Variants in TMEM260 observed in about 807,000 individuals in gnomAD.
TMEM260 encodes transmembrane protein 260.
In TMEM260, 82 loss-of-function variants were observed where a neutral mutation model predicts 88.9. That is an observed-to-expected ratio of 0.92 (90% confidence interval 0.77 to 1.11). The LOEUF (loss-of-function observed/expected upper bound fraction) is 1.11, where lower values mean the gene tolerates loss of function less well. TMEM260 is among the 50% of genes least tolerant of loss of function. TMEM260 has a pLI of 0.00. For missense variants in TMEM260, 902 were observed against 853.4 expected (o/e 1.06, Z -0.71); for synonymous variants, 314 against 309.3 (o/e 1.02, Z -0.16).
intron 1 of TMEM260, among the ~76,000 whole-genome samples, chr14:56,583,661 A>G (rs1885283566): frequency 6.6e-6 from 1 of 152,116 alleles, no homozygotes; most frequent in South Asian, 2.1e-4. Context: ...ATTAATTCTG[A>G]TGGGGAGGCT....
the TMEM260 span, among the ~76,000 whole-genome samples, chr14:56,661,200 GTCTGGAAT>G: frequency 6.9e-3 from 1,055 of 152,328 alleles, 10 homozygotes; most frequent in South Asian, 0.025. Flanking sequence ...AGCCTAGTGG[GTCTGGAAT>G]CCTGGTGGTC....
At chr14:56,618,873 T>A (rs1887744867) in intron 10 of TMEM260, 110 bp downstream of exon 10, 1 of 1,087,414 alleles carries the variant, frequency 9.2e-7, no homozygotes, top group Non-Finnish European at 1.3e-6. Context: ...AGACTCAAAG[T>A]GAGACAGCTT....
chr14:56,587,570 A>G (rs1033797765), intron 3 of TMEM260, among the ~76,000 whole-genome samples: 14 of 152,038 alleles, frequency 9.2e-5, no homozygotes, highest in Non-Finnish European at 1.5e-5. Flanking sequence ...CTAATGATAT[A>G]TTTTATACTT....
At chr14:56,649,563 G>A (rs1250592523), downstream of TMEM260, 1 of 152,176 alleles carries the variant, frequency 6.6e-6, no homozygotes, top group African/African-American at 2.4e-5. Context: ...ATGCGTGGTG[G>A]TTGTGTTTGT....
the TMEM260 span, among the ~76,000 whole-genome samples, chr14:56,661,240 C>G: frequency 6.6e-6 from 1 of 152,190 alleles, no homozygotes; most frequent in African/African-American, 2.4e-5. Context: ...TCCTCCTAGA[C>G]TCTGCCTCTC....
Position 56,582,947 on chromosome 14 carries a change from G to A in TMEM260, c.161-2054G>A, listed in dbSNP as rs532691087. On this transcript the variant is annotated intron_variant, in intron 1 of 15. Coordinates refer to ENST00000261556, the MANE Select transcript of TMEM260 (RefSeq NM_017799.4). Reference sequence around the variant, plus strand: ...GTCACATTCCAGATTTATCTTTATAGCAGCAGAAGTCTGGCAAATAATAAC... The same window carrying A: ...GTCACATTCCAGATTTATCTTTATAACAGCAGAAGTCTGGCAAATAATAAC... Among the ~76,000 whole-genome samples the A allele has an allele frequency of 1.6e-3, 248 of 152,184 alleles. 8 individuals carry two copies. In the East Asian group the frequency reaches 0.041, roughly 25 times the overall value.
At chr14:56,601,666 G>A (rs1003769738) in intron 3 of TMEM260, among the ~76,000 whole-genome samples, 1 of 152,058 alleles carries the variant, frequency 6.6e-6, no homozygotes, top group Non-Finnish European at 1.5e-5. Flanking sequence ...AATTATTAGT[G>A]ACTTTCTATG....
chr14:56,603,709 A>G, intron 3 of TMEM260, 106 bp from the exon 4 acceptor site: 2 of 1,146,058 alleles, frequency 1.7e-6, no homozygotes. Context: ...GTGTTGGAGT[A>G]GTGCTGGGTG....
intron 3 of TMEM260, among the ~76,000 whole-genome samples, chr14:56,591,412 A>G (rs777735107): frequency 6.6e-6 from 1 of 152,214 alleles, no homozygotes; most frequent in Non-Finnish European, 1.5e-5. Context: ...TAATACCCTC[A>G]TTCTGTTGAC....
At chr14:56,659,255 G>GT in the TMEM260 span, among the ~76,000 whole-genome samples, 1,140 of 119,752 alleles carry the variant, frequency 9.5e-3, 25 homozygotes, top group African/African-American at 0.032. Flanking sequence ...TTGTTTTTTG[G>GT]TTTTTGTTTT....
In TMEM260 at chr14:56,616,003, G is replaced by T. The variant is rs747460131; in HGVS notation, c.917G>T (p.Cys306Phe). The T allele has an allele frequency of 1.9e-6, 3 of 1,612,508 alleles. No individual in the cohort carries two copies. Among genetic ancestry groups the T allele is most frequent in the Non-Finnish European group, 8.5e-7 (1 of 1,178,860 alleles). The change falls in exon 8 of 16, where the codon TGT becomes TTT. Residue 306 changes from cysteine to phenylalanine, a missense_variant. Coordinates refer to ENST00000261556, the MANE Select transcript of TMEM260 (RefSeq NM_017799.4). The stretch of plus-strand genomic sequence containing the variant: ...TTCAACATCCAAGCCCTTGCAGTTT[G>T]TGCAAATATATGTTTAGCAACAAAG... The part of the protein sequence containing the change: ...LSFNIQALAV[C>F]ANICLATKDR...
chr14:56,593,280 T>A (rs1357758915), intron 3 of TMEM260: 2 of 152,128 alleles, frequency 1.3e-5, no homozygotes, highest in African/African-American at 4.8e-5. Flanking sequence ...ACATCATCCT[T>A]ACTCCAGTGG....
chr14:56,632,864 T>G lies in TMEM260; in HGVS notation c.1548-131T>G. 10 of 775,006 alleles carry G rather than the reference T, an allele frequency of 1.3e-5. No homozygotes were observed. In the South Asian group the frequency reaches 1.7e-4, roughly 13 times the overall value. The allele number at this position is 775,006 out of a possible 1,614,324, so 48.0% of individuals were successfully genotyped here. ...AGAAGACTAAACACAGGTAGTTAAG[T>G]AATTTTTCCAAAATCATATAGGTAA... is the stretch of plus-strand genomic sequence containing the variant. On this transcript the variant is annotated intron_variant, in intron 12 of 15. Transcript: ENST00000261556.
intron 3 of TMEM260, among the ~76,000 whole-genome samples, chr14:56,592,578 T>G (rs1438104700): frequency 6.6e-6 from 1 of 152,176 alleles, no homozygotes; most frequent in African/African-American, 2.4e-5. Flanking sequence ...GTTGATTATA[T>G]GAATAAGCCT....
intron 3 of TMEM260, among the ~76,000 whole-genome samples, chr14:56,586,324 A>G (rs1055757167): frequency 6.6e-6 from 1 of 152,170 alleles, no homozygotes; most frequent in African/African-American, 2.4e-5. Flanking sequence ...TTGTATTCTA[A>G]ATATGAACAT....
At chr14:56,592,120 G>C (rs1163320195) in intron 3 of TMEM260, among the ~76,000 whole-genome samples, 1 of 152,058 alleles carries the variant, frequency 6.6e-6, no homozygotes, top group East Asian at 1.9e-4. Flanking sequence ...AAAATTCTGG[G>C]TAAAACAGTT....
intron 6 of TMEM260, among the ~76,000 whole-genome samples, chr14:56,611,470 G>GA (rs567817129): frequency 6.2e-4 from 95 of 152,248 alleles, no homozygotes; most frequent in Middle Eastern, 6.8e-3. Context: ...TTAGAGAAAT[G>GA]AAAATTGGAA....
At chr14:56,592,349 G>C (rs1885917679) in intron 3 of TMEM260, among the ~76,000 whole-genome samples, 1 of 152,188 alleles carries the variant, frequency 6.6e-6, no homozygotes, top group Non-Finnish European at 1.5e-5. Flanking sequence ...GTCTAAACTT[G>C]ACAATGAAAA....
chr14:56,616,095 G>C, intron 8 of TMEM260, 68 bp downstream of exon 8: 1 of 1,163,406 alleles, frequency 8.6e-7, no homozygotes, highest in South Asian at 1.2e-5. Context: ...TTTTCAGTAT[G>C]TCGCTGTAGG....
Sources: allele counts gnomAD v4.1 joint callset (sites outside exome capture counted in the v4.1 genomes callset), GRCh38; gene constraint gnomAD v4.1.1; transcripts MANE v1.5; gene names NCBI Gene and HGNC (gene_info 2026-07-23, HGNC 2026-07-21).